UNC79: variants seen among roughly 807,000 people sequenced by gnomAD.
UNC79 encodes the protein unc-79 subunit of NALCN channel complex, also known as protein unc-79 homolog.
A neutral mutation model predicts 283.1 loss-of-function variants in UNC79; 37 were observed. The ratio of observed to expected loss-of-function variants is 0.13; its 90% CI spans 0.10 to 0.17. The LOEUF is 0.17. UNC79 is among the 10% of genes least tolerant of loss of function. The pLI is 1.00. For missense variants in UNC79, 2,272 were observed against 3,211.1 expected, an observed-to-expected ratio of 0.71 and a Z score of 7.07; for synonymous variants, 1,107 against 1,200.2, an observed-to-expected ratio of 0.92 and a Z score of 1.61.
chr14:93,538,011 G>A, exon 12 of UNC79: 5 of 1,613,682 alleles, frequency 3.1e-6, no homozygotes, highest in Non-Finnish European at 4.2e-6. Flanking sequence ...CACGTTAGAA[G>A]AGCAGTTGTC....
intron 45 of UNC79, chr14:93,691,511 T>A: frequency 3.5e-6 from 2 of 578,736 alleles, no homozygotes; most frequent in Admixed American, 6.0e-5. Context: ...TTCAGCAAAT[T>A]AAGGTGCCTT....
rs569732350 is a variant in UNC79 at position 93,338,295 on chromosome 14, C to T, written c.-351+4772C>T. On this transcript the variant is annotated intron_variant, in intron 1 of 49. Transcript: ENST00000256339. ...TTTAAAAGTGTGCACCACCTCCCAC[C>T]GACCAGTCCATCTCTTGCCATGTGA... Among the ~76,000 whole-genome samples, 11 of 152,216 alleles carry T rather than the reference C, an allele frequency of 7.2e-5. No individual in the cohort carries two copies. In the South Asian group the frequency reaches 1.0e-3, roughly 14 times the overall value.
intron 1 of UNC79, among the ~76,000 whole-genome samples, chr14:93,347,849 T>A (rs868447319): frequency 1.1e-4 from 17 of 148,408 alleles, no homozygotes; most frequent in African/African-American, 4.2e-4. Flanking sequence ...AAAAATGAAT[T>A]AAAAAAAAAA....
At chr14:93,535,435 C>G (rs1027962494) in intron 11 of UNC79, among the ~76,000 whole-genome samples, 4 of 152,130 alleles carry the variant, frequency 2.6e-5, no homozygotes, top group Non-Finnish European at 4.4e-5. Context: ...TGCAGTGTAT[C>G]CAGATACTCC....
chr14:93,612,185 G>A (rs1439140794), intron 26 of UNC79, among the ~76,000 whole-genome samples: 3 of 152,138 alleles, frequency 2.0e-5, no homozygotes, highest in Non-Finnish European at 4.4e-5. Flanking sequence ...TTCCTTGTAT[G>A]TTTCTCATGA....
intron 40 of UNC79, among the ~76,000 whole-genome samples, chr14:93,668,938 A>C (rs2072518915): frequency 6.8e-6 from 1 of 146,018 alleles, no homozygotes; most frequent in African/African-American, 2.5e-5. Context: ...TTGTGGCTAC[A>C]GTGAGCTTTC....
chr14:93,402,327 A>C (rs2055128342), intron 1 of UNC79, among the ~76,000 whole-genome samples: 1 of 151,306 alleles, frequency 6.6e-6, no homozygotes. Flanking sequence ...CAGCTTAAAA[A>C]AATTATGAGA....
intron 33 of UNC79, 45 bp from the exon 37 acceptor site, chr14:93,643,512 A>G: frequency 2.5e-6 from 4 of 1,613,154 alleles, no homozygotes; most frequent in Non-Finnish European, 3.4e-6. Flanking sequence ...TCTTGAGACC[A>G]TGGTTCTTTC....
rs146521383 is a variant in UNC79, at chr14:93,570,198, C to T, written c.1756-1696C>T. ...TCCTGGCCTCAGGCGATCTTTTTGC[C>T]TCAGCCTAGAACAGTTATTTTTTTA... On this transcript the variant is annotated intron_variant, in intron 14 of 48. Transcript: ENST00000555664. 3.3e-4 allele frequency among the ~76,000 whole-genome samples: 50 copies of T among 152,286 alleles called. No homozygotes were observed. In the East Asian group the frequency reaches 8.1e-3, roughly 25 times the overall value.
At chr14:93,422,209 G>T in intron 1 of UNC79, among the ~76,000 whole-genome samples, 1 of 151,646 alleles carries the variant, frequency 6.6e-6, no homozygotes, top group African/African-American at 2.4e-5. Flanking sequence ...TGGAAAGGTG[G>T]GATAGCTTGA....
At chr14:93,478,488 G>A (rs1209069867) in intron 4 of UNC79, among the ~76,000 whole-genome samples, 4 of 152,122 alleles carry the variant, frequency 2.6e-5, no homozygotes, top group Admixed American at 6.5e-5. Flanking sequence ...TGGGAAATCC[G>A]AAAAGATTGT....
intron 4 of UNC79, among the ~76,000 whole-genome samples, chr14:93,479,267 C>A (rs1270631304): frequency 6.7e-6 from 1 of 149,578 alleles, no homozygotes; most frequent in South Asian, 2.1e-4. Context: ...CTCCCTCCCT[C>A]CATTCTTCCC....
intron 14 of UNC79, among the ~76,000 whole-genome samples, chr14:93,563,278 G>A (rs1047967828): frequency 1.3e-5 from 2 of 152,190 alleles, no homozygotes; most frequent in African/African-American, 4.8e-5. Context: ...ATCAGCAGAA[G>A]TGTTGCCCAG....
chr14:93,414,204 A>G (rs1196349148), intron 1 of UNC79, among the ~76,000 whole-genome samples: 1 of 152,056 alleles, frequency 6.6e-6, no homozygotes, highest in Non-Finnish European at 1.5e-5. Flanking sequence ...TAATTTTTGT[A>G]TAAGGTGTAA....
At chr14:93,636,428 G>C (rs544822390) in intron 31 of UNC79, among the ~76,000 whole-genome samples, 1 of 152,256 alleles carries the variant, frequency 6.6e-6, no homozygotes, top group East Asian at 1.9e-4. Flanking sequence ...CGAGCCTAGG[G>C]GAGAGTCTGT....
chr14:93,526,410 AG>A (rs1291179231), intron 8 of UNC79, among the ~76,000 whole-genome samples: 3 of 152,234 alleles, frequency 2.0e-5, no homozygotes, highest in African/African-American at 7.2e-5. Flanking sequence ...AGTTTTAAAA[AG>A]TTTAAAGGTT....
intron 27 of UNC79, among the ~76,000 whole-genome samples, chr14:93,615,741 A>AAAAAAAAAAG (rs2066667756): frequency 7.0e-6 from 1 of 142,770 alleles, no homozygotes; most frequent in African/African-American, 2.9e-5. Context: ...AAAAAAAAAA[A>AAAAAAAAAAG]AAAAGAAAAG....
chr14:93,494,899 C>G (rs2058945451), intron 5 of UNC79, among the ~76,000 whole-genome samples: 6 of 152,182 alleles, frequency 3.9e-5, no homozygotes, highest in Admixed American at 3.9e-4. Flanking sequence ...GAATTCCCCT[C>G]ATGTTTGCAA....
rs542117475 is a variant in UNC79 at position 93,683,988 on chromosome 14, T to A, written c.6819+1294T>A. On this transcript the variant is annotated intron_variant, in intron 42 of 48. Transcript: ENST00000555664. ...GTGATCTATGCCATGAACATATCCATCATCTCCAACAGTTTCTTCCTGCCC... is the reference window on the plus strand; with the variant it reads ...GTGATCTATGCCATGAACATATCCAACATCTCCAACAGTTTCTTCCTGCCC... Among the ~76,000 whole-genome samples the A allele has an allele frequency of 5.3e-5, 8 of 152,272 alleles. No individual in the cohort carries two copies. The East Asian group carries it at 1.3e-3, about 26-fold the overall frequency.
Sources: allele counts gnomAD v4.1 joint callset (sites outside exome capture counted in the v4.1 genomes callset), GRCh38; gene constraint gnomAD v4.1.1; transcripts MANE v1.5; gene names NCBI Gene and HGNC (gene_info 2026-07-23, HGNC 2026-07-21).